BBS12: variants seen among roughly 807,000 people sequenced by gnomAD.
The protein encoded by BBS12 is Bardet-Biedl syndrome 12, also known as chaperonin-containing T-complex member BBS12.
A neutral mutation model predicts 5.6 loss-of-function variants in BBS12; 5 were observed. The ratio of observed to expected loss-of-function variants is 0.89; its 90% CI spans 0.46 to 1.86. BBS12 has a LOEUF of 1.86. Ranked by LOEUF, BBS12 falls within the 40% of genes most tolerant of loss-of-function variation. The pLI is 0.01. For synonymous variants in BBS12, 308 were observed against 306.8 expected (o/e 1.00, Z -0.04); for missense variants, 748 against 830.4 (o/e 0.90, Z 1.22).
At chr4:122,702,081 CAATAT>C in the BBS12 span, among the ~76,000 whole-genome samples, 1 of 152,084 alleles carries the variant, frequency 6.6e-6, no homozygotes, top group Non-Finnish European at 1.5e-5. Context: ...GAAGAGGAAA[CAATAT>C]ATTTTTTTTA....
At chr4:122,734,290 G>T (rs976322161) in intron 1 of BBS12, among the ~76,000 whole-genome samples, 2 of 150,460 alleles carry the variant, frequency 1.3e-5, no homozygotes, top group African/African-American at 4.9e-5. Flanking sequence ...TTTTGAGACC[G>T]AGTCCTGCTC....
chr4:122,700,931 T>C, the BBS12 span, among the ~76,000 whole-genome samples: 33 of 152,340 alleles, frequency 2.2e-4, no homozygotes, highest in African/African-American at 7.7e-4. Flanking sequence ...AAGCTCTTGA[T>C]CTACTAAGCT....
At chr4:122,721,764 G>A in the BBS12 span, among the ~76,000 whole-genome samples, 1 of 152,188 alleles carries the variant, frequency 6.6e-6, no homozygotes, top group Non-Finnish European at 1.5e-5. Flanking sequence ...GAGCCAGGCA[G>A]AAACTATATC....
chr4:122,724,278 T>A, the BBS12 span, among the ~76,000 whole-genome samples: 1 of 152,198 alleles, frequency 6.6e-6, no homozygotes, highest in East Asian at 1.9e-4. Context: ...TGGAAAAAGA[T>A]CACTTTCAAA....
chr4:122,726,310 CAT>C, the BBS12 span, among the ~76,000 whole-genome samples: 2 of 152,066 alleles, frequency 1.3e-5, no homozygotes, highest in African/African-American at 2.4e-5. Flanking sequence ...GGCCAATAAA[CAT>C]ATGAAAAAAT....
At chr4:122,732,969 C>T (rs1800722588) in intron 1 of BBS12, 85 bp downstream of exon 1, 1 of 152,470 alleles carries the variant, frequency 6.6e-6, no homozygotes, top group Non-Finnish European at 1.5e-5. Context: ...TTTCTGTCCT[C>T]TTCGGGCCAG....
chr4:122,728,111 A>C (rs1364659607), upstream of BBS12, among the ~76,000 whole-genome samples: 1 of 152,226 alleles, frequency 6.6e-6, no homozygotes, highest in Non-Finnish European at 1.5e-5. Flanking sequence ...ATCTATCAAA[A>C]ATAAAAATAT....
chr4:122,717,630 G>A, the BBS12 span, among the ~76,000 whole-genome samples: 1 of 152,226 alleles, frequency 6.6e-6, no homozygotes, highest in South Asian at 2.1e-4. Flanking sequence ...CCTGGGCTCA[G>A]GCAATCCTCC....
In BBS12 at chr4:122,744,070, A is replaced by G. The variant is rs1316163635; in HGVS notation, c.*45A>G. The G allele has an allele frequency of 6.4e-7, 1 of 1,562,326 alleles. No homozygotes were observed. The highest frequency in any genetic ancestry group is 8.8e-7 in the Non-Finnish European group (1 of 1,134,782). ...GGAAAATAATTTTTCATAATATGTCATGCTAATAATAAATATATTGATAGC... is the reference window on the plus strand; with the variant it reads ...GGAAAATAATTTTTCATAATATGTCGTGCTAATAATAAATATATTGATAGC... On this transcript the variant is annotated 3_prime_UTR_variant, in exon 2 of 2. Transcript: ENST00000314218.
chr4:122,741,414 T>A (rs1410558839), intron 1 of BBS12, among the ~76,000 whole-genome samples: 2 of 152,198 alleles, frequency 1.3e-5, no homozygotes, highest in African/African-American at 4.8e-5. Flanking sequence ...CTCGAACCCC[T>A]GACCTCGTGA....
chr4:122,728,238 A>G (rs886505242), upstream of BBS12, among the ~76,000 whole-genome samples: 1 of 152,204 alleles, frequency 6.6e-6, no homozygotes, highest in Admixed American at 6.5e-5. Context: ...AAACGTTGGA[A>G]ACTAAAATGT....
At chr4:122,710,517 T>C in the BBS12 span, among the ~76,000 whole-genome samples, 1 of 152,242 alleles carries the variant, frequency 6.6e-6, no homozygotes, top group Non-Finnish European at 1.5e-5. Flanking sequence ...TTGCGCATTT[T>C]AGCTGTTAAG....
the BBS12 span, among the ~76,000 whole-genome samples, chr4:122,708,564 C>T: frequency 2.7e-5 from 4 of 145,938 alleles, no homozygotes; most frequent in Non-Finnish European, 4.5e-5. Flanking sequence ...AAAGTCATAA[C>T]AGTAGTAGTA....
At chr4:122,716,678 T>C in the BBS12 span, among the ~76,000 whole-genome samples, 1,275 of 81,158 alleles carry the variant, frequency 0.016, 102 homozygotes, top group Middle Eastern at 0.027. Flanking sequence ...TATGTGTATA[T>C]ATACACATAT....
the BBS12 span, among the ~76,000 whole-genome samples, chr4:122,708,113 G>T: frequency 6.6e-6 from 1 of 151,266 alleles, no homozygotes; most frequent in East Asian, 1.9e-4. Flanking sequence ...TCTGGCTCAA[G>T]TGATCCTCCC....
intron 1 of BBS12, among the ~76,000 whole-genome samples, chr4:122,739,722 A>G (rs1317823224): frequency 6.6e-6 from 1 of 152,212 alleles, no homozygotes; most frequent in East Asian, 1.9e-4. Flanking sequence ...GTAGCTCCTC[A>G]TTAACTATTT....
chr4:122,712,437 G>T, the BBS12 span, among the ~76,000 whole-genome samples: 1 of 152,178 alleles, frequency 6.6e-6, no homozygotes. Flanking sequence ...AACAGTGAAA[G>T]ATAAAACTTT....
At chr4:122,727,111 G>T in the BBS12 span, among the ~76,000 whole-genome samples, 1 of 151,466 alleles carries the variant, frequency 6.6e-6, no homozygotes, top group East Asian at 1.9e-4. Context: ...TTTTTTTAAA[G>T]AAAAAAATAT....
At chr4:122,739,604 C>G (rs1800834992) in intron 1 of BBS12, among the ~76,000 whole-genome samples, 1 of 152,246 alleles carries the variant, frequency 6.6e-6, no homozygotes, top group African/African-American at 2.4e-5. Flanking sequence ...GACCCTAGAG[C>G]ACAAACCTTT....
Sources: allele counts gnomAD v4.1 joint callset (sites outside exome capture counted in the v4.1 genomes callset), GRCh38; gene constraint gnomAD v4.1.1; transcripts MANE v1.5; gene names NCBI Gene and HGNC (gene_info 2026-07-23, HGNC 2026-07-21).